Variants in SPATA6L observed in about 807,000 individuals in gnomAD.
The protein encoded by SPATA6L is spermatogenesis associated 6 like.
SPATA6L carries 68 observed loss-of-function variants against 49.2 expected under a neutral mutation model. The ratio of observed to expected loss-of-function variants is 1.38; its 90% confidence interval spans 1.14 to 1.69. The LOEUF (loss-of-function observed/expected upper bound fraction) is 1.69. SPATA6L is among the 40% of genes most tolerant of loss of function. SPATA6L has a pLI of 0.00. For synonymous variants in SPATA6L, 198 were observed against 165.7 expected, an observed-to-expected ratio of 1.19 and a Z score of -1.50; for missense variants, 668 against 464.3, an observed-to-expected ratio of 1.44 and a Z score of -4.03.
chr9:4,596,115 A>G (rs1000785998), downstream of SPATA6L, among the ~76,000 whole-genome samples: 1 of 152,158 alleles, frequency 6.6e-6, no homozygotes, highest in African/African-American at 2.4e-5. Flanking sequence ...TGGGAATCAC[A>G]CTTGAAATAT....
At chr9:4,642,031 G>A (rs1834146700) in intron 3 of SPATA6L, among the ~76,000 whole-genome samples, 1 of 152,198 alleles carries the variant, frequency 6.6e-6, no homozygotes, top group African/African-American at 2.4e-5. Context: ...GCCTCTCAAA[G>A]TGCTGGGATT....
intron 3 of SPATA6L, among the ~76,000 whole-genome samples, chr9:4,649,559 C>G (rs1285652678): frequency 1.3e-5 from 2 of 152,198 alleles, no homozygotes; most frequent in East Asian, 3.8e-4. Context: ...CACTGGCTAA[C>G]AGTGACAGGG....
rs534346976 is a variant in SPATA6L at position 4,599,077 on chromosome 9, G to A, written c.*1734C>T. On this transcript the variant is annotated 3_prime_UTR_variant, in exon 12 of 12. Coordinates refer to ENST00000682582, the MANE Select transcript of SPATA6L (RefSeq NM_001353486.2). ...AAGTCTAAACACGAAATTCATTTACGTTTTATATACACTTTATACAGGTAG... is the reference window on the plus strand; with the variant it reads ...AAGTCTAAACACGAAATTCATTTACATTTTATATACACTTTATACAGGTAG... 2.0e-5 allele frequency among the ~76,000 whole-genome samples: 3 copies of A among 152,202 alleles called. No homozygotes were observed. The highest frequency in any genetic ancestry group is 6.5e-5 in the Admixed American group (1 of 15,276).
chr9:4,629,374 T>C (rs1439480289), intron 4 of SPATA6L, among the ~76,000 whole-genome samples: 1 of 152,106 alleles, frequency 6.6e-6, no homozygotes, highest in African/African-American at 2.4e-5. Flanking sequence ...GTAATTCATA[T>C]ATATTAACTC....
intron 9 of SPATA6L, among the ~76,000 whole-genome samples, chr9:4,612,384 A>T (rs1295552641): frequency 6.6e-6 from 1 of 152,046 alleles, no homozygotes; most frequent in Non-Finnish European, 1.5e-5. Context: ...TCAGTTCCCC[A>T]AACATAGAGC....
At chr9:4,609,494 C>T (rs540463731) in intron 9 of SPATA6L, among the ~76,000 whole-genome samples, 354 of 152,152 alleles carry the variant, frequency 2.3e-3, no homozygotes, top group Admixed American at 0.016. Flanking sequence ...GTTCAATATA[C>T]GCAAATCAAT....
At chr9:4,660,034 A>G (rs1290448098) in intron 2 of SPATA6L, among the ~76,000 whole-genome samples, 3 of 152,256 alleles carry the variant, frequency 2.0e-5, no homozygotes, top group Non-Finnish European at 2.9e-5. Flanking sequence ...TTAATTCAAG[A>G]TGGATTAAAG....
intron 2 of SPATA6L, 28 bp downstream of exon 2, chr9:4,661,871 C>G (rs1839858338): frequency 1.2e-6 from 2 of 1,611,212 alleles, no homozygotes; most frequent in Non-Finnish European, 1.7e-6. Context: ...CTTCAGACAA[C>G]AAAAGCCAAT....
chr9:4,650,810 C>A (rs948517843), intron 3 of SPATA6L, among the ~76,000 whole-genome samples: 1 of 150,674 alleles, frequency 6.6e-6, no homozygotes, highest in African/African-American at 2.5e-5. Context: ...CAGGCAAGCA[C>A]CACCAAACCC....
At chr9:4,636,620 T>A (rs1237317427) in intron 3 of SPATA6L, among the ~76,000 whole-genome samples, 1 of 152,210 alleles carries the variant, frequency 6.6e-6, no homozygotes, top group African/African-American at 2.4e-5. Context: ...GCTGCCACTT[T>A]ACTTATGAGA....
chr9:4,665,107 C>T (rs79656575), intron 1 of SPATA6L: 1 of 167,048 alleles, frequency 6.0e-6, no homozygotes, highest in Non-Finnish European at 1.5e-5. Flanking sequence ...GTTGCTGAGG[C>T]CTGAGTTTTC....
intron 3 of SPATA6L, among the ~76,000 whole-genome samples, chr9:4,644,196 A>G (rs1834740699): frequency 8.2e-6 from 1 of 122,268 alleles, no homozygotes; most frequent in Non-Finnish European, 1.6e-5. Context: ...AAAAAAAAAA[A>G]AAAAAAAAAA....
intron 9 of SPATA6L, 63 bp from the exon 10 acceptor site, chr9:4,605,503 A>C: frequency 9.1e-7 from 1 of 1,101,910 alleles, no homozygotes; most frequent in Non-Finnish European, 1.4e-6. Flanking sequence ...CTTAAAGCAC[A>C]TGACGGTATG....
chr9:4,592,409 C>A (rs2129944654), intron 13 of SPATA6L, among the ~76,000 whole-genome samples: 1 of 152,156 alleles, frequency 6.6e-6, no homozygotes, highest in Middle Eastern at 3.4e-3. Flanking sequence ...AGTGCTCTTA[C>A]CACTTAAATA....
At chr9:4,647,840 T>TAG (rs139858297) in intron 3 of SPATA6L, among the ~76,000 whole-genome samples, 3 of 141,912 alleles carry the variant, frequency 2.1e-5, no homozygotes, top group African/African-American at 8.0e-5. Flanking sequence ...TTTTAGTTTT[T>TAG]TTTTTTTTTT....
At chr9:4,660,366 G>C (rs1839330625) in intron 2 of SPATA6L, among the ~76,000 whole-genome samples, 1 of 152,200 alleles carries the variant, frequency 6.6e-6, no homozygotes, top group Non-Finnish European at 1.5e-5. Context: ...CAAAAAGTGG[G>C]TGAAGGACAT....
chr9:4,624,128 A>C (rs1020546374), intron 6 of SPATA6L, among the ~76,000 whole-genome samples: 2 of 152,244 alleles, frequency 1.3e-5, no homozygotes, highest in African/African-American at 4.8e-5. Context: ...ATATCAACTT[A>C]ATGATACTAT....
intron 3 of SPATA6L, among the ~76,000 whole-genome samples, chr9:4,635,749 G>A (rs1219973090): frequency 3.9e-5 from 6 of 152,200 alleles, no homozygotes; most frequent in African/African-American, 9.6e-5. Context: ...GGAACAAGGT[G>A]GACATAGCAT....
At chr9:4,623,002 G>A (rs1187124666) in intron 6 of SPATA6L, among the ~76,000 whole-genome samples, 3 of 152,102 alleles carry the variant, frequency 2.0e-5, no homozygotes, top group African/African-American at 4.8e-5. Context: ...TAGCTAGGCC[G>A]GGTACAGTGG....
Sources: allele counts gnomAD v4.1 joint callset (sites outside exome capture counted in the v4.1 genomes callset), GRCh38; gene constraint gnomAD v4.1.1; transcripts MANE v1.5; gene names NCBI Gene and HGNC (gene_info 2026-07-23, HGNC 2026-07-21).